The following NBAS variants were observed in gnomAD, a reference collection of about 807,000 sequenced individuals.
NBAS encodes the protein NAG/BC035112 fusion.
NBAS carries 219 observed loss-of-function variants against 302.5 expected under a neutral mutation model. The ratio of observed to expected loss-of-function variants is 0.72; its 90% CI spans 0.65 to 0.81. The LOEUF is 0.81. NBAS is among the 30% of genes least tolerant of loss of function. The pLI, the probability that NBAS is intolerant of heterozygous loss-of-function variation, is 0.00. For synonymous variants in NBAS, 1,118 were observed against 1,021.6 expected (o/e 1.09, Z -1.80); for missense variants, 2,932 against 2,841.6 (o/e 1.03, Z -0.72).
chr2:15,315,874 C>T (rs1267894973), intron 38 of NBAS, among the ~76,000 whole-genome samples: 1 of 152,124 alleles, frequency 6.6e-6, no homozygotes, highest in Non-Finnish European at 1.5e-5. Context: ...CTCCACTCTA[C>T]CTCTGGGCAT....
At chr2:15,180,602 C>T (rs1231717509) in intron 50 of NBAS, among the ~76,000 whole-genome samples, 1 of 152,224 alleles carries the variant, frequency 6.6e-6, no homozygotes, top group Non-Finnish European at 1.5e-5. Context: ...CATGGCAGTG[C>T]TCCCCACCTA....
the NBAS span, among the ~76,000 whole-genome samples, chr2:15,159,306 C>T: frequency 6.6e-6 from 1 of 152,124 alleles, no homozygotes; most frequent in Non-Finnish European, 1.5e-5. Context: ...AGAATGTTAC[C>T]CCTGGGAGAG....
Position 15,323,198 on chromosome 2 carries a change from G to A in NBAS, c.4582+4552C>T, listed in dbSNP as rs13002068. ...ACAGTACACACACTAGGATGCAGAC[G>A]CACTAAGAGCATACGCTCAGTTCAC... On this transcript the variant is annotated intron_variant, in intron 38 of 51. Coordinates refer to ENST00000281513, the MANE Select transcript of NBAS (RefSeq NM_015909.4). Among the ~76,000 whole-genome samples the A allele has an allele frequency of 8.1e-4, 123 of 152,236 alleles. 1 individual carries two copies. The highest frequency in any genetic ancestry group is 1.4e-3 in the African/African-American group (58 of 41,536).
chr2:15,013,150 G>A, the NBAS span, among the ~76,000 whole-genome samples: 3 of 152,262 alleles, frequency 2.0e-5, no homozygotes, highest in Middle Eastern at 3.4e-3. Flanking sequence ...GAGCCACCAC[G>A]CCTGGCCAGA....
intron 38 of NBAS, among the ~76,000 whole-genome samples, chr2:15,313,553 A>ATGCCATTTAATATATGACAAACAATTAAT (rs1671372927): frequency 6.6e-6 from 1 of 152,244 alleles, no homozygotes; most frequent in South Asian, 2.1e-4. Flanking sequence ...AACAATTAAT[A>ATGCCATTTAATATATGACAAACAATTAAT]TATGCCATTT....
At chr2:15,058,758 G>T in the NBAS span, among the ~76,000 whole-genome samples, 1 of 152,090 alleles carries the variant, frequency 6.6e-6, no homozygotes, top group East Asian at 1.9e-4. Context: ...ACAACTGGCC[G>T]GGAATCTCCA....
At chr2:15,448,153 G>A (rs188272659) in intron 21 of NBAS, among the ~76,000 whole-genome samples, 171 of 152,214 alleles carry the variant, frequency 1.1e-3, no homozygotes, top group South Asian at 3.7e-3. Flanking sequence ...ATCATCAGTC[G>A]AACTACAGCA....
the NBAS span, among the ~76,000 whole-genome samples, chr2:15,131,996 C>A: frequency 2.0e-5 from 3 of 152,200 alleles, no homozygotes; most frequent in Non-Finnish European, 4.4e-5. Flanking sequence ...TCCTACTAGG[C>A]CCCACCTTCA....
At chr2:15,215,109 T>C (rs945396384) in intron 48 of NBAS, among the ~76,000 whole-genome samples, 1 of 152,122 alleles carries the variant, frequency 6.6e-6, no homozygotes, top group Non-Finnish European at 1.5e-5. Context: ...AACCGTACTA[T>C]GAGGATTAAC....
At position 15,477,813 on chromosome 2, in the gene NBAS, T is replaced by C. The variant is rs1431071249; in HGVS notation, c.1147+413A>G. On this transcript the variant is annotated intron_variant, in intron 13 of 51. Coordinates refer to ENST00000281513, the MANE Select transcript of NBAS (RefSeq NM_015909.4). The stretch of plus-strand genomic sequence containing the variant: ...TTTTTTTCTACTTATAAAAGCAATA[T>C]ATGCTCATTGTAAAAAAGAAATTTT... 2.6e-5 allele frequency among the ~76,000 whole-genome samples: 4 copies of C among 152,192 alleles called. No individual in the cohort carries two copies. The East Asian group carries it at 7.7e-4, about 29-fold the overall frequency.
At chr2:14,785,751 T>G in the NBAS span, among the ~76,000 whole-genome samples, 1 of 152,346 alleles carries the variant, frequency 6.6e-6, no homozygotes, top group South Asian at 2.1e-4. Flanking sequence ...TTTGCATCAA[T>G]GTTCATCAAG....
chr2:14,832,782 A>G, the NBAS span, among the ~76,000 whole-genome samples: 1 of 152,180 alleles, frequency 6.6e-6, no homozygotes, highest in African/African-American at 2.4e-5. Context: ...CATTGTTCAC[A>G]TTTTGACTTT....
At chr2:15,321,398 A>T (rs1029951063) in intron 38 of NBAS, among the ~76,000 whole-genome samples, 3 of 152,244 alleles carry the variant, frequency 2.0e-5, no homozygotes, top group Admixed American at 6.5e-5. Context: ...GACAAAGGGG[A>T]TCTAATTAAA....
chr2:15,258,814 T>C (rs1206635847), intron 44 of NBAS, among the ~76,000 whole-genome samples: 1 of 152,194 alleles, frequency 6.6e-6, no homozygotes, highest in African/African-American at 2.4e-5. Flanking sequence ...GTGATCTTTG[T>C]TCTCCTTTTT....
At chr2:15,415,048 G>C (rs1676859670) in intron 25 of NBAS, among the ~76,000 whole-genome samples, 1 of 152,202 alleles carries the variant, frequency 6.6e-6, no homozygotes, top group Admixed American at 6.5e-5. Flanking sequence ...TTTCCTGTTT[G>C]TGGTAGGAGA....
chr2:15,384,618 G>A (rs189848088), intron 28 of NBAS, among the ~76,000 whole-genome samples: 15 of 150,628 alleles, frequency 1.0e-4, no homozygotes, highest in African/African-American at 3.4e-4. Flanking sequence ...TTTAAGTCAC[G>A]TATATGATTC....
chr2:14,906,720 T>A, the NBAS span, among the ~76,000 whole-genome samples: 1 of 152,202 alleles, frequency 6.6e-6, no homozygotes, highest in Non-Finnish European at 1.5e-5. Flanking sequence ...CAGGGCTCAG[T>A]GCTTTCTCCA....
At chr2:15,088,772 C>A in the NBAS span, among the ~76,000 whole-genome samples, 2 of 152,228 alleles carry the variant, frequency 1.3e-5, no homozygotes, top group Non-Finnish European at 2.9e-5. Flanking sequence ...ATGAGCAGGA[C>A]CATGCAGTAA....
At chr2:15,365,572 C>A (rs1363823303) in intron 32 of NBAS, among the ~76,000 whole-genome samples, 1 of 152,186 alleles carries the variant, frequency 6.6e-6, no homozygotes, top group Admixed American at 6.5e-5. Context: ...TCTCCCCATT[C>A]ATTCCAGATG....
Sources: gnomAD v4.1 joint callset for allele counts (sites outside exome capture counted in the v4.1 genomes callset) on GRCh38, gnomAD v4.1.1 for gene constraint, MANE v1.5 for transcripts, NCBI Gene and HGNC (gene_info 2026-07-23, HGNC 2026-07-21) for gene names.